Variants in NPAS3 observed in about 807,000 individuals in gnomAD.
The protein encoded by NPAS3 is neuronal PAS domain protein 3, also known as neuronal PAS domain-containing protein 3.
NPAS3 carries 14 observed loss-of-function variants against 73.1 expected under a neutral mutation model. The ratio of observed to expected loss-of-function variants is 0.19; its 90% CI spans 0.13 to 0.30. NPAS3 has a LOEUF of 0.30. NPAS3 is among the 10% of genes least tolerant of loss of function. The pLI is 1.00. For synonymous variants in NPAS3, 620 were observed against 541.5 expected, an observed-to-expected ratio of 1.14 and a Z score of -2.01; for missense variants, 1,096 against 1,250.0, an observed-to-expected ratio of 0.88 and a Z score of 1.86.
intron 4 of NPAS3, among the ~76,000 whole-genome samples, chr14:33,528,823 T>C (rs2053917558): frequency 6.6e-6 from 1 of 152,156 alleles, no homozygotes; most frequent in Non-Finnish European, 1.5e-5. Context: ...CTGATAATTA[T>C]TGAGTGTCAC....
chr14:33,568,320 G>T lies in NPAS3; in HGVS notation c.558+8110G>T, dbSNP rs756186341. ...TAACCCATGTATTATTCATGCAGGCGTTGGCAATATAATGTCCCTGGTTTT... is the reference window on the plus strand; with the variant it reads ...TAACCCATGTATTATTCATGCAGGCTTTGGCAATATAATGTCCCTGGTTTT... On this transcript the variant is annotated intron_variant, in intron 5 of 11. Coordinates refer to ENST00000356141, the Ensembl canonical transcript of NPAS3. Among the ~76,000 whole-genome samples, 35 of 152,212 alleles carry T rather than the reference G, an allele frequency of 2.3e-4. No homozygotes were observed. The Middle Eastern group carries it at 0.01, about 44-fold the overall frequency.
In NPAS3 at chr14:33,121,473, G is replaced by T. The variant is rs550923407; in HGVS notation, c.140+65479G>T. On this transcript the variant is annotated intron_variant, in intron 2 of 11. Coordinates refer to ENST00000356141, the Ensembl canonical transcript of NPAS3. Reference sequence around the variant, plus strand: ...ATTGCTCCTTGAAGGCATGACTCTTGTTCACTTTACCTGTATAATCCCAGC... The same window carrying T: ...ATTGCTCCTTGAAGGCATGACTCTTTTTCACTTTACCTGTATAATCCCAGC... Among the ~76,000 whole-genome samples the T allele has an allele frequency of 2.0e-5, 3 of 152,194 alleles. No homozygotes were observed. In the East Asian group the frequency reaches 5.8e-4, roughly 29 times the overall value.
chr14:33,253,312 T>C (rs1321328481), intron 3 of NPAS3, among the ~76,000 whole-genome samples: 1 of 152,040 alleles, frequency 6.6e-6, no homozygotes, highest in Non-Finnish European at 1.5e-5. Context: ...ACAAGGAAAG[T>C]GAGGCACAGA....
At chr14:33,077,421 C>T (rs967835397) in intron 2 of NPAS3, among the ~76,000 whole-genome samples, 1 of 152,170 alleles carries the variant, frequency 6.6e-6, no homozygotes, top group Admixed American at 6.5e-5. Flanking sequence ...TTTAAATTTT[C>T]TCTGTAATGC....
intron 2 of NPAS3, among the ~76,000 whole-genome samples, chr14:33,090,452 C>G (rs2042186149): frequency 6.6e-6 from 1 of 152,182 alleles, no homozygotes; most frequent in Admixed American, 6.5e-5. Flanking sequence ...AGCTAACTAT[C>G]CTAAATACAT....
intron 4 of NPAS3, among the ~76,000 whole-genome samples, chr14:33,415,461 A>C (rs1465931479): frequency 6.6e-6 from 1 of 152,040 alleles, no homozygotes; most frequent in African/African-American, 2.4e-5. Flanking sequence ...TTTTCCTTCA[A>C]GGAGATTTTT....
intron 2 of NPAS3, among the ~76,000 whole-genome samples, chr14:33,110,896 C>T (rs1457383471): frequency 1.3e-5 from 2 of 152,144 alleles, no homozygotes; most frequent in African/African-American, 2.4e-5. Context: ...AGACTGCTGA[C>T]ATAGCAGTTG....
intron 9 of NPAS3, among the ~76,000 whole-genome samples, chr14:33,780,181 C>T (rs928145638): frequency 5.3e-5 from 8 of 152,226 alleles, no homozygotes; most frequent in African/African-American, 1.4e-4. Context: ...ACTCCCAACA[C>T]GGAGTGTGTG....
At chr14:33,754,333 G>T (rs889450525) in intron 7 of NPAS3, among the ~76,000 whole-genome samples, 1 of 152,130 alleles carries the variant, frequency 6.6e-6, no homozygotes, top group African/African-American at 2.4e-5. Context: ...AGAGCCTTTG[G>T]CCAAGAGGAG....
intron 2 of NPAS3, among the ~76,000 whole-genome samples, chr14:33,127,059 T>C (rs561966098): frequency 6.6e-6 from 1 of 152,020 alleles, no homozygotes; most frequent in East Asian, 1.9e-4. Flanking sequence ...CTGAGAGATC[T>C]TGATTTTTTT....
chr14:33,690,171 C>T (rs17101719), intron 6 of NPAS3, among the ~76,000 whole-genome samples: 3,948 of 152,148 alleles, frequency 0.026, 183 homozygotes, highest in African/African-American at 0.091. Flanking sequence ...AGCTTTCGTG[C>T]GGCGTTCCGG....
chr14:33,399,567 A>G (rs1432693655), intron 4 of NPAS3, among the ~76,000 whole-genome samples: 1 of 152,132 alleles, frequency 6.6e-6, no homozygotes, highest in African/African-American at 2.4e-5. Flanking sequence ...GCATGCCACA[A>G]GGAAGTAAAC....
intron 2 of NPAS3, among the ~76,000 whole-genome samples, chr14:33,174,878 C>A (rs1348958530): frequency 6.6e-6 from 1 of 152,032 alleles, no homozygotes; most frequent in Non-Finnish European, 1.5e-5. Flanking sequence ...GTCAGGGATT[C>A]CATGGAGAGA....
intron 3 of NPAS3, among the ~76,000 whole-genome samples, chr14:33,272,330 G>A (rs1471532180): frequency 6.6e-6 from 1 of 152,196 alleles, no homozygotes; most frequent in African/African-American, 2.4e-5. Flanking sequence ...AAACTACTTA[G>A]TTTGGCTACA....
chr14:33,727,788 A>G (rs1231038571), intron 6 of NPAS3, among the ~76,000 whole-genome samples: 1 of 152,172 alleles, frequency 6.6e-6, no homozygotes, highest in African/African-American at 2.4e-5. Flanking sequence ...AACGGAATCC[A>G]CGCAGCATCG....
chr14:33,646,919 G>A (rs1460602322), intron 5 of NPAS3, among the ~76,000 whole-genome samples: 4 of 152,106 alleles, frequency 2.6e-5, no homozygotes, highest in African/African-American at 9.7e-5. Flanking sequence ...AATGACTCAG[G>A]CAGCAAAGAT....
intron 4 of NPAS3, among the ~76,000 whole-genome samples, chr14:33,394,489 A>G (rs1423879937): frequency 6.6e-6 from 1 of 152,046 alleles, no homozygotes; most frequent in Non-Finnish European, 1.5e-5. Flanking sequence ...AATCCCCAAA[A>G]CCTGATGAGA....
chr14:33,076,911 G>C (rs1595388640), intron 2 of NPAS3, among the ~76,000 whole-genome samples: 1 of 152,136 alleles, frequency 6.6e-6, no homozygotes, highest in Admixed American at 6.5e-5. Context: ...TCTACAAAAA[G>C]TTTTTCTATA....
Position 33,330,783 on chromosome 14 carries a change from G to A in NPAS3, c.386-36403G>A, listed in dbSNP as rs377330519. ...TTTTTATGGAAAGCATTAATTCAAA[G>A]AGTCTGTTTTTCTTGGATTTATTTG... is the stretch of plus-strand genomic sequence containing the variant. On this transcript the variant is annotated intron_variant, in intron 3 of 11. Transcript: ENST00000356141. Among the ~76,000 whole-genome samples the A allele has an allele frequency of 4.7e-4, 71 of 152,264 alleles. 2 individuals are homozygous for A. In the East Asian group the frequency reaches 9.6e-3, roughly 21 times the overall value.
Sources: gnomAD v4.1 joint callset for allele counts (sites outside exome capture counted in the v4.1 genomes callset) on GRCh38, gnomAD v4.1.1 for gene constraint, MANE v1.5 for transcripts, NCBI Gene and HGNC (gene_info 2026-07-23, HGNC 2026-07-21) for gene names.